FREM1: variants seen among roughly 807,000 people sequenced by gnomAD.
FREM1 encodes the protein FRAS1-related extracellular matrix protein 1.
Under a neutral mutation model 210.1 loss-of-function variants are expected in FREM1, and 220 were observed. That is an observed-to-expected ratio of 1.05 (90% CI 0.94 to 1.17). The LOEUF is 1.17. FREM1 is among the 50% of genes most tolerant of loss of function. The probability of loss-of-function intolerance (pLI) is 0.00; values close to 1 mark genes in which losing one functional copy is unlikely to be tolerated. For missense variants in FREM1, 3,454 were observed against 2,675.5 expected, an observed-to-expected ratio of 1.29 and a Z score of -6.42; for synonymous variants, 1,189 against 980.2, an observed-to-expected ratio of 1.21 and a Z score of -3.98.
intron 27 of FREM1, among the ~76,000 whole-genome samples, chr9:14,762,064 A>G (rs1159480282): frequency 6.6e-6 from 1 of 152,214 alleles, no homozygotes; most frequent in Non-Finnish European, 1.5e-5. Context: ...GTCTTAGAAC[A>G]TATCTCCCAC....
chr9:14,852,746 C>A (rs1045162797), intron 5 of FREM1, among the ~76,000 whole-genome samples: 4 of 152,308 alleles, frequency 2.6e-5, no homozygotes, highest in South Asian at 2.1e-4. Context: ...AGGATTTGAT[C>A]TAGCCCATTG....
intron 1 of FREM1, among the ~76,000 whole-genome samples, chr9:14,875,541 C>T (rs1833547311): frequency 6.6e-6 from 1 of 152,198 alleles, no homozygotes; most frequent in South Asian, 2.1e-4. Flanking sequence ...CCTTTAAGCA[C>T]TTCTCTGTAT....
intron 11 of FREM1, among the ~76,000 whole-genome samples, 182 bp downstream of exon 11, chr9:14,824,614 A>G (rs1821994022): frequency 6.6e-6 from 1 of 152,208 alleles, no homozygotes; most frequent in Non-Finnish European, 1.5e-5. Context: ...CAACTAATAC[A>G]GCTTTCAAAG....
intron 1 of FREM1, among the ~76,000 whole-genome samples, chr9:14,901,514 T>C (rs1207943043): frequency 6.6e-6 from 1 of 152,186 alleles, no homozygotes; most frequent in Non-Finnish European, 1.5e-5. Context: ...TGGCTTTTTC[T>C]ACTCAATAAC....
At chr9:14,793,912 A>C in intron 21 of FREM1, among the ~76,000 whole-genome samples, 1 of 152,138 alleles carries the variant, frequency 6.6e-6, no homozygotes, top group East Asian at 1.9e-4. Context: ...ACACCTCTTT[A>C]CTAGAGAATG....
chr9:14,852,490 C>G (rs933693124), intron 5 of FREM1, among the ~76,000 whole-genome samples: 2 of 152,052 alleles, frequency 1.3e-5, no homozygotes, highest in Admixed American at 1.3e-4. Context: ...GAGTTTGAGA[C>G]CAGCCTAGGC....
Position 14,852,258 on chromosome 9 carries a change from T to C in FREM1, c.829-651A>G, listed in dbSNP as rs542450217. 2.8e-4 allele frequency among the ~76,000 whole-genome samples: 42 copies of C among 152,324 alleles called. No homozygotes were observed. In the East Asian group the frequency reaches 5.8e-3, roughly 21 times the overall value. ...TGGATCTTCAAGCAAGGGTTGGGCA[T>C]TGGGGATTGCAAGTGGCCACTGAGG... On this transcript the variant is annotated intron_variant, in intron 5 of 36. Coordinates refer to ENST00000380880, the MANE Select transcript of FREM1 (RefSeq NM_001379081.2).
intron 27 of FREM1, among the ~76,000 whole-genome samples, chr9:14,764,872 G>C (rs1846105619): frequency 6.6e-6 from 1 of 152,086 alleles, no homozygotes; most frequent in African/African-American, 2.4e-5. Flanking sequence ...TTAGGAATTG[G>C]GGCATTAATC....
intron 1 of FREM1, among the ~76,000 whole-genome samples, chr9:14,896,628 A>G (rs879462826): frequency 3.3e-5 from 5 of 151,980 alleles, no homozygotes; most frequent in African/African-American, 7.2e-5. Context: ...AAAATGGGCA[A>G]CCAGCAGCTC....
chr9:14,903,259 A>C (rs1227979504), intron 1 of FREM1, among the ~76,000 whole-genome samples: 3 of 152,248 alleles, frequency 2.0e-5, no homozygotes, highest in Admixed American at 6.5e-5. Flanking sequence ...GAGCCATGAC[A>C]TGTGGTCAGC....
In FREM1 at chr9:14,843,018, T is replaced by C. The variant is rs147729238; in HGVS notation, c.1394-358A>G. On this transcript the variant is annotated intron_variant, in intron 8 of 36. Transcript: ENST00000380880. ...GCTGGGTGGTTCTGTGAAGCAGTGT[T>C]TCTTGAAGTGATTAGCATTCGAATC... Among the ~76,000 whole-genome samples the C allele has an allele frequency of 1.7e-4, 26 of 152,238 alleles. No individual in the cohort carries two copies. The East Asian group carries it at 4.8e-3, about 28-fold the overall frequency.
At chr9:14,909,575 T>C (rs1393209449) in intron 1 of FREM1, among the ~76,000 whole-genome samples, 1 of 152,270 alleles carries the variant, frequency 6.6e-6, no homozygotes, top group Non-Finnish European at 1.5e-5. Flanking sequence ...CCTTTGCCAT[T>C]TCATTTAGCT....
chr9:14,804,382 A>C (rs1367476957), intron 19 of FREM1, among the ~76,000 whole-genome samples: 2 of 152,078 alleles, frequency 1.3e-5, no homozygotes, highest in Non-Finnish European at 2.9e-5. Context: ...TCAGGAGATC[A>C]AGACCATCCT....
At chr9:14,838,125 G>A (rs1300092194) in intron 10 of FREM1, among the ~76,000 whole-genome samples, 3 of 152,184 alleles carry the variant, frequency 2.0e-5, no homozygotes, top group Non-Finnish European at 4.4e-5. Flanking sequence ...TAGTTTTGCT[G>A]TGTGTGTCAA....
chr9:14,748,252 G>T, intron 31 of FREM1, 149 bp downstream of exon 31: 1 of 576,182 alleles, frequency 1.7e-6, no homozygotes. Flanking sequence ...GTATACAGAA[G>T]GCACTGCATA....
intron 20 of FREM1, among the ~76,000 whole-genome samples, chr9:14,799,860 A>G (rs527543418): frequency 2.7e-4 from 41 of 151,792 alleles, no homozygotes; most frequent in Non-Finnish European, 5.4e-4. Context: ...GGTTAGTTAC[A>G]TATGTATACA....
intron 18 of FREM1, 108 bp from the exon 19 acceptor site, chr9:14,805,260 A>G (rs1455606510): frequency 1.7e-6 from 1 of 579,102 alleles, no homozygotes; most frequent in Non-Finnish European, 2.9e-6. Context: ...TACAAATAAG[A>G]GATCATAGCA....
intron 4 of FREM1, 45 bp downstream of exon 4, chr9:14,859,138 T>C (rs1459520695): frequency 2.1e-6 from 3 of 1,458,770 alleles, no homozygotes; most frequent in Non-Finnish European, 2.8e-6. Context: ...TGGATATTTT[T>C]GTCAGTTTTG....
At chr9:14,791,045 T>A (rs1435140160) in intron 22 of FREM1, 1 of 152,232 alleles carries the variant, frequency 6.6e-6, no homozygotes, top group Non-Finnish European at 1.5e-5. Flanking sequence ...GGACTGTGCC[T>A]CCACTAGATG....
Sources: gnomAD v4.1 joint callset for allele counts (sites outside exome capture counted in the v4.1 genomes callset) on GRCh38, gnomAD v4.1.1 for gene constraint, MANE v1.5 for transcripts, NCBI Gene and HGNC (gene_info 2026-07-23, HGNC 2026-07-21) for gene names.